NT5E: variants seen among roughly 807,000 people sequenced by gnomAD.
NT5E encodes 5'-nucleotidase ecto, also known as 5'-nucleotidase.
A neutral mutation model predicts 55.1 loss-of-function variants in NT5E; 53 were observed. The ratio of observed to expected loss-of-function variants is 0.96; its 90% confidence interval spans 0.77 to 1.21. The LOEUF (loss-of-function observed/expected upper bound fraction) is 1.21, where lower values mean the gene tolerates loss of function less well. Among genes scored for constraint, NT5E ranks in the 50% most tolerant of loss-of-function variants. The pLI is 0.00. For missense variants in NT5E, 683 were observed against 724.3 expected (o/e 0.94, Z 0.65); for synonymous variants, 270 against 278.4 (o/e 0.97, Z 0.30).
At chr6:85,464,377 C>A (rs762379524) in intron 1 of NT5E, among the ~76,000 whole-genome samples, 9 of 152,146 alleles carry the variant, frequency 5.9e-5, no homozygotes, top group Non-Finnish European at 4.4e-5. Flanking sequence ...TGGCTCATTT[C>A]CTTAACTGCT....
intron 5 of NT5E, 94 bp from the exon 6 acceptor site, chr6:85,489,400 C>A (rs1469627591): frequency 9.4e-6 from 8 of 852,796 alleles, no homozygotes; most frequent in Non-Finnish European, 1.6e-5. Flanking sequence ...TGAAAAGCAG[C>A]TTTATTTCCT....
Position 85,450,153 on chromosome 6 carries a change from C to T in NT5E, c.14C>T (p.Ala5Val). MCPR[A>V]ARAPATLLLA... ...CGCGCCACAGCTATGTGTCCCCGAG[C>T]CGCGCGGGCGCCCGCGACGCTACTC... is the stretch of plus-strand genomic sequence containing the variant. The change falls in exon 1 of 9, where the codon GCC (alanine) becomes GTC (valine). Residue 5 changes from alanine (A) to valine (V), a missense_variant. Physicochemically the swap from Ala to Val is moderately conservative, Grantham distance 64. Transcript: ENST00000257770. The surrounding 1 kb of genome is among the most constrained non-coding windows in gnomAD (Gnocchi z 4.0). 6.3e-7 allele frequency: 1 copy of T among 1,585,258 alleles called. No individual in the cohort carries two copies. The highest frequency in any genetic ancestry group is 8.6e-7 in the Non-Finnish European group (1 of 1,168,402).
intron 1 of NT5E, among the ~76,000 whole-genome samples, chr6:85,453,804 G>T (rs1180460394): frequency 1.3e-5 from 2 of 152,182 alleles, no homozygotes; most frequent in Middle Eastern, 3.2e-3. Context: ...AACTCACCCA[G>T]GGGACAGGTT....
At chr6:85,486,495 C>G (rs546604681) in intron 4 of NT5E, among the ~76,000 whole-genome samples, 18 of 152,162 alleles carry the variant, frequency 1.2e-4, no homozygotes, top group Admixed American at 3.9e-4. Context: ...ACAGGCCCCC[C>G]CCATGCGTCC....
chr6:85,493,712 GTTC>G (rs1006464465), intron 8 of NT5E, 126 bp from the exon 9 acceptor site: 43 of 726,522 alleles, frequency 5.9e-5, no homozygotes, highest in Non-Finnish European at 9.2e-5. Flanking sequence ...GATCACTAGC[GTTC>G]TTGTCTTCTG....
chr6:85,490,218 A>G (rs886990951), intron 6 of NT5E, among the ~76,000 whole-genome samples: 8 of 152,178 alleles, frequency 5.3e-5, no homozygotes, highest in Non-Finnish European at 1.2e-4. Flanking sequence ...AAAACAAACT[A>G]CTGGAGATCC....
At chr6:85,481,440 A>C (rs889692501) in intron 3 of NT5E, among the ~76,000 whole-genome samples, 2 of 152,220 alleles carry the variant, frequency 1.3e-5, no homozygotes, top group Non-Finnish European at 2.9e-5. Flanking sequence ...AACATGGTCA[A>C]TAATCACTGT....
chr6:85,464,067 A>ATT (rs67527174), intron 1 of NT5E, among the ~76,000 whole-genome samples: 2,590 of 98,430 alleles, frequency 0.026, 139 homozygotes, highest in African/African-American at 0.039. Flanking sequence ...GTAGTTAGGA[A>ATT]TTTTTTTTTT....
At chr6:85,483,445 T>A (rs1268390078) in intron 3 of NT5E, among the ~76,000 whole-genome samples, 2 of 152,256 alleles carry the variant, frequency 1.3e-5, no homozygotes, top group Middle Eastern at 3.2e-3. Context: ...TCCATGCTGG[T>A]CTTCCATTAT....
chr6:85,473,789 C>G (rs1055415088), intron 3 of NT5E, among the ~76,000 whole-genome samples: 2 of 152,214 alleles, frequency 1.3e-5, no homozygotes, highest in Non-Finnish European at 2.9e-5. Context: ...TTTCTAAAAA[C>G]TCAGCTTTAA....
intron 6 of NT5E, 35 bp from the exon 7 acceptor site, chr6:85,490,473 A>T (rs1256318689): frequency 6.2e-7 from 1 of 1,613,336 alleles, no homozygotes; most frequent in East Asian, 2.2e-5. Flanking sequence ...TTCTCAAGCT[A>T]TTTTCCTTCT....
At chr6:85,490,714 G>T in intron 7 of NT5E, 57 bp downstream of exon 7, 1 of 1,601,398 alleles carries the variant, frequency 6.2e-7, no homozygotes. Context: ...ATTTCCTGCT[G>T]GTTGGCTCAG....
intron 1 of NT5E, among the ~76,000 whole-genome samples, chr6:85,451,501 G>T (rs758634322): frequency 2.6e-5 from 4 of 151,896 alleles, no homozygotes; most frequent in Non-Finnish European, 5.9e-5. Flanking sequence ...ATGTATATAT[G>T]GTGGTTAAAA....
At chr6:85,454,053 C>T (rs1029089041) in intron 1 of NT5E, among the ~76,000 whole-genome samples, 41 of 152,210 alleles carry the variant, frequency 2.7e-4, no homozygotes, top group Non-Finnish European at 5.9e-4. Context: ...TATACCTATA[C>T]ATCACTGTGA....
At chr6:85,483,446 C>T (rs1769588424) in intron 3 of NT5E, among the ~76,000 whole-genome samples, 1 of 152,248 alleles carries the variant, frequency 6.6e-6, no homozygotes, top group Admixed American at 6.5e-5. Context: ...CCATGCTGGT[C>T]TTCCATTATC....
At chr6:85,453,548 C>T (rs1768932491) in intron 1 of NT5E, among the ~76,000 whole-genome samples, 1 of 152,336 alleles carries the variant, frequency 6.6e-6, no homozygotes, top group South Asian at 2.1e-4. Context: ...AATCTCCCCA[C>T]AGCACAAAAC....
intron 1 of NT5E, among the ~76,000 whole-genome samples, chr6:85,461,673 T>C (rs1769100447): frequency 6.6e-6 from 1 of 152,128 alleles, no homozygotes; most frequent in African/African-American, 2.4e-5. Context: ...TTAGTTAGGC[T>C]TTTTCCAAAG....
Position 85,493,965 on chromosome 6 carries a change from T to A in NT5E, c.1686T>A (p.Phe562Leu). 1.2e-6 allele frequency: 2 copies of A among 1,614,118 alleles called. No individual in the cohort carries two copies. The highest frequency in any genetic ancestry group is 1.7e-6 in the Non-Finnish European group (2 of 1,179,992). Reference protein sequence around the residue: ...SHCHGSFSLIFLSLWAVIFVL... With the variant: ...SHCHGSFSLILLSLWAVIFVL... ...GCCATGGAAGCTTTTCTTTAATATT[T>A]CTTTCACTTTGGGCAGTGATCTTTG... Residue 562 changes from phenylalanine to leucine, a missense_variant, in exon 9 of 9, where the codon TTT becomes TTA. Transcript: ENST00000257770.
intron 6 of NT5E, 74 bp downstream of exon 6, chr6:85,489,673 C>T (rs538149991): frequency 1.9e-6 from 2 of 1,051,682 alleles, no homozygotes; most frequent in South Asian, 2.7e-5. Flanking sequence ...GGTTCTTGCC[C>T]TGAACACACC....
Sources: gnomAD v4.1 joint callset for allele counts (sites outside exome capture counted in the v4.1 genomes callset) on GRCh38, gnomAD v4.1.1 for gene constraint, Gnocchi (gnomAD v3.1) non-coding constraint, MANE v1.5 for transcripts, NCBI Gene and HGNC (gene_info 2026-07-23, HGNC 2026-07-21) for gene names.